Variants in LARGE1 observed in about 807,000 individuals in gnomAD.
The protein encoded by LARGE1 is LARGE xylosyl- and glucuronyltransferase 1.
Under a neutral mutation model 87.6 loss-of-function variants are expected in LARGE1, and 43 were observed. That is an observed-to-expected ratio of 0.49 (90% CI 0.38 to 0.63). The LOEUF (loss-of-function observed/expected upper bound fraction) is 0.63, where lower values mean the gene tolerates loss of function less well. LARGE1 is among the 30% of genes least tolerant of loss of function. The pLI is 0.00. For missense variants in LARGE1, 802 were observed against 1,000.2 expected, an observed-to-expected ratio of 0.80 and a Z score of 2.67; for synonymous variants, 434 against 394.6, an observed-to-expected ratio of 1.10 and a Z score of -1.18.
At position 33,626,287 on chromosome 22, in the gene LARGE1, T is replaced by C; in HGVS notation, c.448A>G (p.Ser150Gly). 2.5e-6 allele frequency: 4 copies of C among 1,614,136 alleles called. No individual in the cohort carries two copies. The highest frequency in any genetic ancestry group is 3.4e-6 in the Non-Finnish European group (4 of 1,179,990). The part of the protein sequence containing the change: ...VAIVCAGYNA[S>G]RDVVTLVKSV... ...TTGACCAGGGTGACGACATCCCGGC[T>C]GGCATTGTATCCGGCGCAGACAATA... Residue 150 changes from serine (S) to glycine (G), a missense_variant, in exon 4 of 15, where the codon AGC becomes GGC. Physicochemically the swap from Ser to Gly is moderately conservative, Grantham distance 56 (BLOSUM62 0). Around this residue, in one of 2 missense-constraint regions of LARGE1, gnomAD observed 625 missense variants for 841.9 expected, o/e 0.74. Coordinates refer to ENST00000397394, the MANE Select transcript of LARGE1 (RefSeq NM_133642.5).
rs369982037 is a variant in LARGE1, at chr22:33,454,341, C to T, written c.788-22076G>A. ...TATAAGAAAAGTAGTTGAGTTAGGCCGGGCACAGTGGCTCACACCTGTAAT... is the reference window on the plus strand; with the variant it reads ...TATAAGAAAAGTAGTTGAGTTAGGCTGGGCACAGTGGCTCACACCTGTAAT... On this transcript the variant is annotated intron_variant, in intron 6 of 14. Transcript: ENST00000397394. Among the ~76,000 whole-genome samples the T allele has an allele frequency of 1.6e-3, 248 of 152,018 alleles. 2 individuals are homozygous for T. The highest frequency in any genetic ancestry group is 5.1e-3 in the African/African-American group (211 of 41,460).
At chr22:33,577,162 G>A (rs1050525918) in intron 5 of LARGE1, among the ~76,000 whole-genome samples, 1 of 152,058 alleles carries the variant, frequency 6.6e-6, no homozygotes, top group African/African-American at 2.4e-5. Context: ...CACAAAAGTT[G>A]GTTCTTGTGG....
the LARGE1 span, among the ~76,000 whole-genome samples, chr22:33,104,141 C>T: frequency 1.3e-5 from 2 of 152,124 alleles, no homozygotes; most frequent in Non-Finnish European, 2.9e-5. Flanking sequence ...TGGCTGACAC[C>T]TTGATTTCAG....
At chr22:33,839,399 C>G (rs2063203669) in intron 1 of LARGE1, among the ~76,000 whole-genome samples, 1 of 152,084 alleles carries the variant, frequency 6.6e-6, no homozygotes, top group African/African-American at 2.4e-5. Flanking sequence ...AGCCCCATCT[C>G]CAACACTGTG....
At chr22:33,293,951 A>G (rs914791678) in intron 12 of LARGE1, among the ~76,000 whole-genome samples, 6 of 152,208 alleles carry the variant, frequency 3.9e-5, no homozygotes, top group Non-Finnish European at 8.8e-5. Context: ...TGTTTGAATT[A>G]TCTCTGCATT....
chr22:33,901,810 C>T (rs918468705), intron 1 of LARGE1, among the ~76,000 whole-genome samples: 3 of 152,226 alleles, frequency 2.0e-5, no homozygotes, highest in African/African-American at 7.2e-5. Context: ...TTAACCACAT[C>T]GTATAGCAAA....
At chr22:33,419,502 C>G (rs1270557291) in intron 7 of LARGE1, among the ~76,000 whole-genome samples, 1 of 152,118 alleles carries the variant, frequency 6.6e-6, no homozygotes, top group Non-Finnish European at 1.5e-5. Context: ...CTCATTCCAG[C>G]TCTCAGCATG....
intron 9 of LARGE1, among the ~76,000 whole-genome samples, chr22:33,354,308 C>A (rs915271283): frequency 2.0e-5 from 3 of 152,148 alleles, no homozygotes; most frequent in Admixed American, 1.3e-4. Flanking sequence ...TTTCTATATA[C>A]TTAGAAAACT....
Position 33,581,158 on chromosome 22 carries a change from A to C in LARGE1, c.616-16139T>G, listed in dbSNP as rs2078507658. Among the ~76,000 whole-genome samples the C allele has an allele frequency of 2.0e-5, 3 of 152,208 alleles. No individual in the cohort carries two copies. The South Asian group carries it at 6.2e-4, about 31-fold the overall frequency. On this transcript the variant is annotated intron_variant, in intron 5 of 14. Coordinates refer to ENST00000397394, the MANE Select transcript of LARGE1 (RefSeq NM_133642.5). ...TACACATAGGAAACTAAGACTTAGA[A>C]ACATCATTGTCTCAAATTGCACTGC...
chr22:33,147,942 T>C, the LARGE1 span, among the ~76,000 whole-genome samples: 1 of 152,222 alleles, frequency 6.6e-6, no homozygotes, highest in Non-Finnish European at 1.5e-5. Context: ...AAAATTCATG[T>C]TGAAATTTAC....
rs150414668 is a variant in LARGE1, at chr22:33,915,251, T to C, written c.-83+4744A>G. On this transcript the variant is annotated intron_variant, in intron 1 of 14. Transcript: ENST00000397394. ...TTCCTCATCCCAAGAAACACACATA[T>C]GCACACATGCCCACCTACCCTCCCA... Among the ~76,000 whole-genome samples, 568 of 152,282 alleles carry C rather than the reference T, an allele frequency of 3.7e-3. 2 individuals carry two copies. The highest frequency in any genetic ancestry group is 0.013 in the African/African-American group (540 of 41,574).
the LARGE1 span, among the ~76,000 whole-genome samples, chr22:33,089,371 C>CCTTCTTCTT: frequency 1.3e-4 from 10 of 76,046 alleles, no homozygotes; most frequent in African/African-American, 6.3e-4. Flanking sequence ...TTCTTCTTCT[C>CCTTCTTCTT]CTTCTTCTTC....
chr22:33,396,068 G>A (rs1305757722), intron 7 of LARGE1, among the ~76,000 whole-genome samples: 1 of 152,180 alleles, frequency 6.6e-6, no homozygotes, highest in Admixed American at 6.5e-5. Context: ...GATCCACTAC[G>A]TGAAAATGAA....
At chr22:33,679,676 T>C (rs2081690488) in intron 2 of LARGE1, among the ~76,000 whole-genome samples, 1 of 152,104 alleles carries the variant, frequency 6.6e-6, no homozygotes, top group Non-Finnish European at 1.5e-5. Flanking sequence ...ACCCTGTCTC[T>C]ACCAAAAGTA....
chr22:33,582,391 G>C (rs572015896), intron 5 of LARGE1, among the ~76,000 whole-genome samples: 56 of 150,472 alleles, frequency 3.7e-4, no homozygotes, highest in African/African-American at 1.3e-3. Context: ...AAGTAGGAAA[G>C]ACCTTGAAAG....
the LARGE1 span, among the ~76,000 whole-genome samples, chr22:33,085,395 T>C: frequency 6.6e-6 from 1 of 152,256 alleles, no homozygotes; most frequent in African/African-American, 2.4e-5. Flanking sequence ...TTTTTAAATC[T>C]ATATTGACAA....
chr22:33,143,279 G>A, the LARGE1 span, among the ~76,000 whole-genome samples: 1 of 152,022 alleles, frequency 6.6e-6, no homozygotes, highest in Non-Finnish European at 1.5e-5. Context: ...ATGTCAATGG[G>A]TCAACTTTCC....
intron 1 of LARGE1, among the ~76,000 whole-genome samples, chr22:33,907,849 G>A (rs1467002915): frequency 2.6e-5 from 4 of 152,100 alleles, no homozygotes; most frequent in South Asian, 2.1e-4. Flanking sequence ...CACCCGCCTC[G>A]GCCTCCCAAA....
chr22:33,738,647 C>A (rs2083750923), intron 2 of LARGE1, among the ~76,000 whole-genome samples: 1 of 152,022 alleles, frequency 6.6e-6, no homozygotes, highest in African/African-American at 2.4e-5. Context: ...ATCACGAGGT[C>A]AGGAGATGGA....
Sources: gnomAD v4.1 joint callset for allele counts (sites outside exome capture counted in the v4.1 genomes callset) on GRCh38, gnomAD v4.1.1 for gene constraint, gnomAD v4.1.1 regional missense constraint, MANE v1.5 for transcripts, NCBI Gene and HGNC (gene_info 2026-07-23, HGNC 2026-07-21) for gene names.